Variants in CYTH3 observed in about 807,000 individuals in gnomAD.
CYTH3 encodes the protein cytohesin 3.
In CYTH3, 23 loss-of-function variants were observed where a neutral mutation model predicts 55.1. The observed-to-expected ratio is 0.42, with a 90% CI of 0.30 to 0.59. The LOEUF (loss-of-function observed/expected upper bound fraction) is 0.59. Ranked by LOEUF, CYTH3 falls within the 20% of genes least tolerant of loss-of-function variation. The probability of loss-of-function intolerance (pLI) is 0.20; values close to 1 mark genes in which losing one functional copy is unlikely to be tolerated. For synonymous variants in CYTH3, 249 were observed against 194.9 expected, an observed-to-expected ratio of 1.28 and a Z score of -2.31; for missense variants, 413 against 524.8, an observed-to-expected ratio of 0.79 and a Z score of 2.08.
chr7:6,196,203 T>G (rs144112541), intron 1 of CYTH3, among the ~76,000 whole-genome samples: 2 of 152,292 alleles, frequency 1.3e-5, no homozygotes, highest in Non-Finnish European at 2.9e-5. Flanking sequence ...TTTACTGTGA[T>G]CGGCTAAAGA....
At chr7:6,198,668 G>A (rs1486949028) in intron 1 of CYTH3, among the ~76,000 whole-genome samples, 6 of 151,896 alleles carry the variant, frequency 4.0e-5, no homozygotes, top group African/African-American at 7.3e-5. Context: ...GAAATCTAGC[G>A]GTTTATTTTT....
chr7:6,202,428 T>C (rs982955626), intron 1 of CYTH3, among the ~76,000 whole-genome samples: 15 of 151,786 alleles, frequency 9.9e-5, no homozygotes, highest in Non-Finnish European at 1.3e-4. Flanking sequence ...ACTTGGAAAT[T>C]TGGATGGTGA....
chr7:6,207,086 C>CTT lies in CYTH3; in HGVS notation c.35-16557_35-16556dup, dbSNP rs58910123. Among the ~76,000 whole-genome samples, 571 of 104,094 alleles carry CTT rather than the reference C, an allele frequency of 5.5e-3. 53 individuals are homozygous for CTT. The highest frequency in any genetic ancestry group is 0.015 in the African/African-American group (374 of 24,296). 68.3% of individuals were successfully genotyped at this position (104,094 alleles called of 152,430 possible). The stretch of plus-strand genomic sequence containing the variant: ...ATTTCACAGAAATTAAAATGTGCAA[C>CTT]TTTTTTTTTTTTTTTTTTTTTTTTT... On this transcript the variant is annotated intron_variant, in intron 1 of 12. Coordinates refer to ENST00000350796, the MANE Select transcript of CYTH3 (RefSeq NM_004227.4).
chr7:6,180,252 G>GCTCC (rs1345752056), intron 4 of CYTH3, among the ~76,000 whole-genome samples: 1 of 152,196 alleles, frequency 6.6e-6, no homozygotes, highest in Non-Finnish European at 1.5e-5. Flanking sequence ...TGGGCATGAG[G>GCTCC]CTCCCATGCC....
At position 6,259,756 on chromosome 7, in the gene CYTH3, A is replaced by T. The variant is rs1385621515; in HGVS notation, c.34+12718T>A. ...ATACATATATATAATATATATATAT[A>T]TTATATATATATATATTATATATAT... On this transcript the variant is annotated intron_variant, in intron 1 of 12. Transcript: ENST00000350796. Among the ~76,000 whole-genome samples the T allele has an allele frequency of 2.0e-3, 24 of 12,244 alleles. 3 individuals are homozygous for T. Among genetic ancestry groups the T allele is most frequent in the Non-Finnish European group, 2.7e-3 (17 of 6,220 alleles). The allele number at this position is 12,244 out of a possible 152,430, so 8.0% of individuals were successfully genotyped here. A position where few individuals can be genotyped will look rare whatever the true frequency, so the allele number is the denominator to read the frequency against.
intron 4 of CYTH3, among the ~76,000 whole-genome samples, chr7:6,182,057 T>C (rs1783516790): frequency 6.6e-6 from 1 of 151,786 alleles, no homozygotes; most frequent in South Asian, 2.1e-4. Flanking sequence ...TTTTGTTTTG[T>C]TTTTTTTGAG....
At chr7:6,259,053 T>C (rs1322464024) in intron 1 of CYTH3, among the ~76,000 whole-genome samples, 1 of 152,240 alleles carries the variant, frequency 6.6e-6, no homozygotes, top group East Asian at 1.9e-4. Context: ...AGCATGTGTT[T>C]CATACGTATC....
At chr7:6,237,939 C>CTAGAATCTGGCCTGCAAA (rs1779569137) in intron 1 of CYTH3, among the ~76,000 whole-genome samples, 1 of 152,172 alleles carries the variant, frequency 6.6e-6, no homozygotes, top group Non-Finnish European at 1.5e-5. Context: ...TCCTATAATG[C>CTAGAATCTGGCCTGCAAA]TAGAATCTGG....
intron 1 of CYTH3, among the ~76,000 whole-genome samples, chr7:6,211,186 G>A (rs1326949612): frequency 6.6e-6 from 1 of 152,178 alleles, no homozygotes; most frequent in African/African-American, 2.4e-5. Flanking sequence ...CTGAGCACCT[G>A]GCTGGCTCCA....
chr7:6,169,156 G>C lies in CYTH3; in HGVS notation c.823+1379C>G, dbSNP rs1461399079. Among the ~76,000 whole-genome samples, 1 of 152,242 alleles carries C rather than the reference G, an allele frequency of 6.6e-6. No homozygotes were observed. Among genetic ancestry groups the C allele is most frequent in the Non-Finnish European group, 1.5e-5 (1 of 68,034 alleles). ...AGACCCTAATGGGAATGGCAGACCT[G>C]TGGGACTCACACCCTTTCCACCAGC... On this transcript the variant is annotated intron_variant, in intron 9 of 12. Coordinates refer to ENST00000350796, the MANE Select transcript of CYTH3 (RefSeq NM_004227.4). This position sits in a 1 kb window ranked among gnomAD's most constrained non-coding sequence, Gnocchi z 4.1.
chr7:6,231,874 C>T (rs1471679278), intron 1 of CYTH3, among the ~76,000 whole-genome samples: 1 of 152,074 alleles, frequency 6.6e-6, no homozygotes, highest in Non-Finnish European at 1.5e-5. Context: ...CACAAGGCAC[C>T]CTGCTAACAC....
At chr7:6,259,757 T>TATTA (rs1554255069) in intron 1 of CYTH3, among the ~76,000 whole-genome samples, 8 of 37,466 alleles carry the variant, frequency 2.1e-4, no homozygotes, top group Non-Finnish European at 2.6e-4. Flanking sequence ...TATATATATA[T>TATTA]TATATATATA....
At chr7:6,195,337 A>G (rs1265636444) in intron 1 of CYTH3, among the ~76,000 whole-genome samples, 4 of 152,244 alleles carry the variant, frequency 2.6e-5, no homozygotes, top group African/African-American at 9.6e-5. Context: ...TGTCTCAAAC[A>G]GAAAAAAATA....
At chr7:6,234,862 T>C (rs1367488649) in intron 1 of CYTH3, among the ~76,000 whole-genome samples, 1 of 152,178 alleles carries the variant, frequency 6.6e-6, no homozygotes, top group African/African-American at 2.4e-5. Context: ...GAGTAATTTG[T>C]TGAAAATAAT....
intron 1 of CYTH3, among the ~76,000 whole-genome samples, chr7:6,237,435 T>A (rs141357789): frequency 2.6e-5 from 4 of 152,012 alleles, no homozygotes; most frequent in African/African-American, 9.7e-5. Flanking sequence ...TGCAGCCCGG[T>A]GTGGTGGCTC....
At chr7:6,184,688 C>A (rs575995567) in intron 4 of CYTH3, among the ~76,000 whole-genome samples, 2 of 152,224 alleles carry the variant, frequency 1.3e-5, no homozygotes, top group African/African-American at 4.8e-5. Context: ...AAGCGATTCT[C>A]GCGCCTCAGC....
intron 1 of CYTH3, among the ~76,000 whole-genome samples, chr7:6,215,245 C>A (rs576326832): frequency 3.3e-5 from 5 of 152,168 alleles, no homozygotes; most frequent in African/African-American, 1.2e-4. Context: ...AGATGCTCCA[C>A]GGTTCAGGGG....
chr7:6,235,057 TCCC>T (rs921631378), intron 1 of CYTH3, among the ~76,000 whole-genome samples: 5 of 152,062 alleles, frequency 3.3e-5, no homozygotes, highest in African/African-American at 1.2e-4. Context: ...CACCACTCAC[TCCC>T]CAAGAGCATC....
intron 1 of CYTH3, among the ~76,000 whole-genome samples, chr7:6,238,011 T>C (rs1178476175): frequency 2.0e-5 from 3 of 152,178 alleles, no homozygotes; most frequent in African/African-American, 7.2e-5. Flanking sequence ...TAGGTAAAGA[T>C]ACCAGGGTCC....
Sources: gnomAD v4.1 joint callset for allele counts (sites outside exome capture counted in the v4.1 genomes callset) on GRCh38, gnomAD v4.1.1 for gene constraint, Gnocchi (gnomAD v3.1) non-coding constraint, MANE v1.5 for transcripts, NCBI Gene and HGNC (gene_info 2026-07-23, HGNC 2026-07-21) for gene names.